GABRG2: variants seen among roughly 807,000 people sequenced by gnomAD.
The protein encoded by GABRG2 is gamma-aminobutyric acid type A receptor subunit gamma2, also known as gamma-aminobutyric acid receptor subunit gamma-2.
GABRG2 carries 16 observed loss-of-function variants against 56.4 expected under a neutral mutation model. The observed-to-expected ratio is 0.28, with a 90% CI of 0.19 to 0.43. The LOEUF (loss-of-function observed/expected upper bound fraction) is 0.43, where lower values mean the gene tolerates loss of function less well. Among genes scored for constraint, GABRG2 ranks in the 20% least tolerant of loss-of-function variants. The pLI is 1.00. For synonymous variants in GABRG2, 208 were observed against 205.5 expected, an observed-to-expected ratio of 1.01 and a Z score of -0.10; for missense variants, 327 against 582.7, an observed-to-expected ratio of 0.56 and a Z score of 4.52.
At chr5:162,068,152 G>T (rs770128365) in intron 1 of GABRG2, 46 bp downstream of exon 1, 4 of 1,345,164 alleles carry the variant, frequency 3.0e-6, no homozygotes, top group Admixed American at 3.4e-5. Flanking sequence ...AAGAGGTGGG[G>T]GGAAGGTGTG....
At chr5:162,113,892 A>G (rs1762429643) in intron 6 of GABRG2, among the ~76,000 whole-genome samples, 1 of 152,156 alleles carries the variant, frequency 6.6e-6, no homozygotes, top group African/African-American at 2.4e-5. Flanking sequence ...GTGAAGTAGA[A>G]TTGGTATAAA....
At chr5:162,073,988 C>T (rs1758883244) in intron 1 of GABRG2, among the ~76,000 whole-genome samples, 1 of 151,814 alleles carries the variant, frequency 6.6e-6, no homozygotes. Context: ...TAGTCACCCC[C>T]CGGCTTTTTT....
At chr5:162,096,557 T>TTTTC (rs1225800874) in intron 3 of GABRG2, among the ~76,000 whole-genome samples, 2 of 152,268 alleles carry the variant, frequency 1.3e-5, no homozygotes, top group Admixed American at 6.5e-5. Flanking sequence ...AAACAGGTTC[T>TTTTC]TTTCTCATTA....
At chr5:162,122,302 G>GCTGCGGTGTTGCACCTATTAAA (rs1763029404) in intron 6 of GABRG2, among the ~76,000 whole-genome samples, 1 of 151,848 alleles carries the variant, frequency 6.6e-6, no homozygotes, top group Admixed American at 6.6e-5. Flanking sequence ...TAATAACTAT[G>GCTGCGGTGTTGCACCTATTAAA]AGTTAGGCCT....
intron 8 of GABRG2, chr5:162,151,115 T>A (rs979879229): frequency 1.3e-5 from 2 of 152,734 alleles, no homozygotes; most frequent in African/African-American, 4.8e-5. Flanking sequence ...CTCTGTCAGC[T>A]ACGCCATTGC....
chr5:162,109,424 T>TATATATATATATA (rs1581377391), intron 6 of GABRG2, among the ~76,000 whole-genome samples: 5 of 87,752 alleles, frequency 5.7e-5, no homozygotes, highest in East Asian at 4.0e-4. Flanking sequence ...ATATATATAT[T>TATATATATATATA]TATTTATATA....
chr5:162,088,912 G>A (rs575507799), intron 1 of GABRG2, among the ~76,000 whole-genome samples: 21 of 152,186 alleles, frequency 1.4e-4, no homozygotes, highest in African/African-American at 4.8e-4. Flanking sequence ...CTTCTCCGAG[G>A]AAAACTGGTG....
chr5:162,108,181 C>CT (rs1761972097), intron 6 of GABRG2, among the ~76,000 whole-genome samples: 1 of 152,178 alleles, frequency 6.6e-6, no homozygotes, highest in Non-Finnish European at 1.5e-5. Context: ...GACAGAAACT[C>CT]AAGTGGTCTG....
At chr5:162,079,207 T>A (rs1759447029) in intron 1 of GABRG2, among the ~76,000 whole-genome samples, 1 of 152,102 alleles carries the variant, frequency 6.6e-6, no homozygotes, top group African/African-American at 2.4e-5. Context: ...CTGACTTCCC[T>A]TTGCACGTGC....
chr5:162,079,806 A>G (rs767718065), intron 1 of GABRG2, among the ~76,000 whole-genome samples: 6 of 151,934 alleles, frequency 3.9e-5, no homozygotes, highest in Non-Finnish European at 7.4e-5. Context: ...TTATTGAGAC[A>G]GGGTCTCACT....
intron 9 of GABRG2, chr5:162,152,257 G>A (rs1765425444): frequency 5.2e-6 from 1 of 190,892 alleles, no homozygotes; most frequent in African/African-American, 2.4e-5. Context: ...TATTTCCAGA[G>A]TGATCCCTGA....
chr5:162,109,839 A>G (rs1183404821), intron 6 of GABRG2, among the ~76,000 whole-genome samples: 11 of 152,096 alleles, frequency 7.2e-5, no homozygotes, highest in Non-Finnish European at 1.5e-4. Context: ...TCATCCTGAG[A>G]TGTGGGCTAG....
At chr5:162,080,496 G>T (rs1475158422) in intron 1 of GABRG2, among the ~76,000 whole-genome samples, 1 of 152,142 alleles carries the variant, frequency 6.6e-6, no homozygotes, top group East Asian at 1.9e-4. Flanking sequence ...GTGACTGGAA[G>T]ATTGATTGAG....
At chr5:162,131,247 G>T (rs1364218776) in intron 6 of GABRG2, among the ~76,000 whole-genome samples, 3 of 151,980 alleles carry the variant, frequency 2.0e-5, no homozygotes, top group Admixed American at 6.6e-5. Flanking sequence ...TAAAAGCCTA[G>T]TTTCGTGATA....
chr5:162,078,928 A>G (rs1195454590), intron 1 of GABRG2, among the ~76,000 whole-genome samples: 4 of 151,530 alleles, frequency 2.6e-5, no homozygotes. Context: ...ACAACCTTTC[A>G]GTCACATTGC....
chr5:162,152,396 C>G (rs1425160120), intron 9 of GABRG2: 1 of 434,882 alleles, frequency 2.3e-6, no homozygotes. Context: ...TTAAATATAT[C>G]ATTTAGTTGC....
At chr5:162,118,075 T>C (rs1762743099) in intron 6 of GABRG2, among the ~76,000 whole-genome samples, 1 of 152,042 alleles carries the variant, frequency 6.6e-6, no homozygotes, top group African/African-American at 2.4e-5. Flanking sequence ...TTGAGTCTTA[T>C]TTGTAGGTAG....
Position 162,142,858 on chromosome 5 carries a change from C to A in GABRG2, c.922+542C>A, listed in dbSNP as rs1387311934. The A allele has an allele frequency of 2.6e-5, 4 of 155,656 alleles. No homozygotes were observed. The East Asian group carries it at 5.5e-4, about 21-fold the overall frequency. 9.6% of individuals were successfully genotyped at this position (155,656 alleles called of 1,614,324 possible). ...GGCACATGTATACATATGTAACAAA[C>A]CTGCACGTTGTGCACATGTACCCTA... is the stretch of plus-strand genomic sequence containing the variant. On this transcript the variant is annotated intron_variant, in intron 7 of 9. Transcript: ENST00000639213.
At chr5:162,105,240 C>T (rs1176916189) in intron 6 of GABRG2, among the ~76,000 whole-genome samples, 3 of 152,102 alleles carry the variant, frequency 2.0e-5, no homozygotes, top group African/African-American at 4.8e-5. Flanking sequence ...TTCAAAAGTA[C>T]CATCCTTCAA....
Sources: allele counts gnomAD v4.1 joint callset (sites outside exome capture counted in the v4.1 genomes callset), GRCh38; gene constraint gnomAD v4.1.1; transcripts MANE v1.5; gene names NCBI Gene and HGNC (gene_info 2026-07-23, HGNC 2026-07-21).